SH3RF3: variants seen among roughly 807,000 people sequenced by gnomAD.
The protein encoded by SH3RF3 is E3 ubiquitin-protein ligase SH3RF3.
SH3RF3 carries 29 observed loss-of-function variants against 66.3 expected under a neutral mutation model. The observed-to-expected ratio is 0.44, with a 90% CI of 0.33 to 0.60. SH3RF3 has a LOEUF of 0.60. Among genes scored for constraint, SH3RF3 ranks in the 20% least tolerant of loss-of-function variants. SH3RF3 has a pLI of 0.04. For synonymous variants in SH3RF3, 583 were observed against 532.0 expected (o/e 1.10, Z -1.32); for missense variants, 1,194 against 1,190.9 (o/e 1.00, Z -0.04).
At chr2:109,313,434 A>C (rs962610822) in intron 1 of SH3RF3, 2 of 153,624 alleles carry the variant, frequency 1.3e-5, no homozygotes, top group Non-Finnish European at 2.9e-5. Context: ...CATGGATACA[A>C]GGCCAGGCCT....
intron 2 of SH3RF3, among the ~76,000 whole-genome samples, chr2:109,365,275 C>T (rs977867642): frequency 1.3e-5 from 2 of 152,172 alleles, no homozygotes; most frequent in African/African-American, 2.4e-5. Flanking sequence ...AAGGTGTGGG[C>T]CCCCCAGTGA....
chr2:109,246,349 C>A (rs28647580), intron 1 of SH3RF3, among the ~76,000 whole-genome samples: 1 of 152,134 alleles, frequency 6.6e-6, no homozygotes, highest in Non-Finnish European at 1.5e-5. Flanking sequence ...CTGTGTCCTC[C>A]CATGGTAGAG....
intron 1 of SH3RF3, among the ~76,000 whole-genome samples, chr2:109,248,184 A>G (rs1679966783): frequency 6.6e-6 from 1 of 152,194 alleles, no homozygotes; most frequent in African/African-American, 2.4e-5. Flanking sequence ...TATTCTGGAT[A>G]TTAATTCTTT....
chr2:109,448,949 G>A (rs183978784), intron 7 of SH3RF3, among the ~76,000 whole-genome samples: 1 of 152,304 alleles, frequency 6.6e-6, no homozygotes, highest in South Asian at 2.1e-4. Flanking sequence ...AGCCGTGGCA[G>A]GGCCCCCTGA....
intron 2 of SH3RF3, among the ~76,000 whole-genome samples, chr2:109,359,638 G>C (rs546416451): frequency 6.6e-5 from 10 of 152,194 alleles, no homozygotes; most frequent in Admixed American, 5.9e-4. Context: ...CTGGAAACTT[G>C]AAATCCAGAA....
At chr2:109,284,295 G>C (rs765281895) in intron 1 of SH3RF3, among the ~76,000 whole-genome samples, 1 of 152,210 alleles carries the variant, frequency 6.6e-6, no homozygotes, top group Non-Finnish European at 1.5e-5. Flanking sequence ...TAGTAGCCAT[G>C]AGTATTACTG....
intron 4 of SH3RF3, among the ~76,000 whole-genome samples, 159 bp from the exon 5 acceptor site, chr2:109,419,380 C>T (rs1449386067): frequency 6.6e-6 from 1 of 152,228 alleles, no homozygotes; most frequent in Non-Finnish European, 1.5e-5. Context: ...GCCAGGCTCC[C>T]TCCCATGACA....
intron 4 of SH3RF3, among the ~76,000 whole-genome samples, chr2:109,403,406 C>T (rs1360858860): frequency 6.6e-6 from 1 of 152,208 alleles, no homozygotes; most frequent in Non-Finnish European, 1.5e-5. Flanking sequence ...TCATTGTTTC[C>T]ACTTCAGAGA....
intron 1 of SH3RF3, among the ~76,000 whole-genome samples, chr2:109,162,836 G>T (rs1463407531): frequency 6.6e-6 from 1 of 151,994 alleles, no homozygotes; most frequent in Admixed American, 6.6e-5. Flanking sequence ...CCCTTGGCTG[G>T]GTCCTTTTCT....
At chr2:109,198,703 G>T (rs1175837980) in intron 1 of SH3RF3, among the ~76,000 whole-genome samples, 2 of 152,124 alleles carry the variant, frequency 1.3e-5, no homozygotes, top group East Asian at 3.9e-4. Flanking sequence ...CTTAAAAGGG[G>T]ACTAATCCCA....
At chr2:109,194,171 C>T (rs34224089) in intron 1 of SH3RF3, among the ~76,000 whole-genome samples, 9,300 of 152,326 alleles carry the variant, frequency 0.061, 751 homozygotes, top group East Asian at 0.3. Flanking sequence ...CTTCCCAGCA[C>T]TGGTTGGAAT....
intron 2 of SH3RF3, among the ~76,000 whole-genome samples, chr2:109,360,250 C>A (rs1683028334): frequency 6.6e-6 from 1 of 152,086 alleles, no homozygotes; most frequent in African/African-American, 2.4e-5. Context: ...AATAATATGT[C>A]ATATTTTTTA....
intron 1 of SH3RF3, among the ~76,000 whole-genome samples, chr2:109,230,447 G>A (rs1016764309): frequency 2.0e-5 from 3 of 152,144 alleles, no homozygotes; most frequent in Admixed American, 6.5e-5. Context: ...GGGCATGATG[G>A]TGCATGCCTG....
chr2:109,170,414 C>T (rs1227524749), intron 1 of SH3RF3, among the ~76,000 whole-genome samples: 4 of 151,848 alleles, frequency 2.6e-5, no homozygotes, highest in African/African-American at 4.8e-5. Context: ...GGCACAATCT[C>T]GGCTCACTGC....
intron 1 of SH3RF3, among the ~76,000 whole-genome samples, chr2:109,166,041 AC>A (rs1677613353): frequency 6.6e-6 from 1 of 151,980 alleles, no homozygotes. Context: ...GTAGATACAT[AC>A]CTTGGTGAGC....
chr2:109,421,639 CT>C (rs1676881468), intron 5 of SH3RF3, among the ~76,000 whole-genome samples: 1 of 152,232 alleles, frequency 6.6e-6, no homozygotes, highest in Admixed American at 6.5e-5. Flanking sequence ...AGCTCTCCAC[CT>C]TCTCCCTCTG....
chr2:109,469,448 T>G (rs1477112422), intron 8 of SH3RF3, among the ~76,000 whole-genome samples: 3 of 152,218 alleles, frequency 2.0e-5, no homozygotes, highest in Admixed American at 2.0e-4. Context: ...AGGAAGGGTT[T>G]GACAGTAATG....
intron 1 of SH3RF3, among the ~76,000 whole-genome samples, chr2:109,166,683 C>G (rs748256970): frequency 1.3e-5 from 2 of 152,084 alleles, no homozygotes; most frequent in Non-Finnish European, 2.9e-5. Flanking sequence ...AAAATAAAGA[C>G]CTGAAGTTCT....
chr2:109,453,629 T>C (rs1573264643), intron 8 of SH3RF3, among the ~76,000 whole-genome samples: 1 of 152,168 alleles, frequency 6.6e-6, no homozygotes, highest in Admixed American at 6.5e-5. Flanking sequence ...CATCTGTGTA[T>C]TGCAAAGAGC....
Sources: gnomAD v4.1 joint callset for allele counts (sites outside exome capture counted in the v4.1 genomes callset) on GRCh38, gnomAD v4.1.1 for gene constraint, MANE v1.5 for transcripts, NCBI Gene and HGNC (gene_info 2026-07-23, HGNC 2026-07-21) for gene names.